ARL15: variants seen among roughly 807,000 people sequenced by gnomAD.
The protein encoded by ARL15 is ADP-ribosylation factor-like protein 15.
In ARL15, 19 loss-of-function variants were observed where a neutral mutation model predicts 25.2. The ratio of observed to expected loss-of-function variants is 0.75; its 90% CI spans 0.53 to 1.10. The LOEUF (loss-of-function observed/expected upper bound fraction) is 1.10. ARL15 is among the 50% of genes least tolerant of loss of function. The pLI is 0.00. For synonymous variants in ARL15, 94 were observed against 86.8 expected (o/e 1.08, Z -0.46); for missense variants, 220 against 246.0 (o/e 0.89, Z 0.71).
intron 4 of ARL15, among the ~76,000 whole-genome samples, chr5:54,096,478 A>G (rs1282492923): frequency 6.6e-6 from 1 of 152,148 alleles, no homozygotes; most frequent in Non-Finnish European, 1.5e-5. Flanking sequence ...CAGTGGTGCC[A>G]TCTTGGCTCA....
At chr5:54,147,107 C>T (rs2112328289) in intron 3 of ARL15, among the ~76,000 whole-genome samples, 1 of 152,218 alleles carries the variant, frequency 6.6e-6, no homozygotes, top group Non-Finnish European at 1.5e-5. Flanking sequence ...TGGCTTTATA[C>T]CAATATCATT....
At chr5:54,116,622 G>A (rs1752908159) in intron 3 of ARL15, among the ~76,000 whole-genome samples, 1 of 152,144 alleles carries the variant, frequency 6.6e-6, no homozygotes, top group East Asian at 1.9e-4. Flanking sequence ...TCTATCCACA[G>A]CCAACTAATG....
intron 4 of ARL15, among the ~76,000 whole-genome samples, chr5:54,103,400 A>G (rs1752498533): frequency 6.6e-6 from 1 of 152,126 alleles, no homozygotes; most frequent in Non-Finnish European, 1.5e-5. Flanking sequence ...TCTTCACTCA[A>G]AACTACTAGA....
chr5:54,267,585 T>G (rs1428932576), intron 1 of ARL15, among the ~76,000 whole-genome samples: 1 of 152,108 alleles, frequency 6.6e-6, no homozygotes, highest in Non-Finnish European at 1.5e-5. Context: ...ATCATTCCCT[T>G]ACATTGATAA....
chr5:54,217,309 C>T (rs963836522), intron 1 of ARL15, among the ~76,000 whole-genome samples: 9 of 151,382 alleles, frequency 5.9e-5, no homozygotes, highest in Admixed American at 4.6e-4. Flanking sequence ...GGAAATATAC[C>T]AATTGCAAAT....
In ARL15 at chr5:53,938,921, C is replaced by T. The variant is rs144886589; in HGVS notation, c.463-52208G>A. Among the ~76,000 whole-genome samples the T allele has an allele frequency of 4.3e-3, 651 of 152,282 alleles. 7 individuals are homozygous for T. The highest frequency in any genetic ancestry group is 0.013 in the African/African-American group (533 of 41,552). ...TCACTTGGCAGTCTGGCCATATTAG[C>T]GTCAGTTTACGACACAAATTTGTTA... On this transcript the variant is annotated intron_variant, in intron 4 of 4. Coordinates refer to ENST00000504924, the MANE Select transcript of ARL15 (RefSeq NM_019087.3).
intron 4 of ARL15, among the ~76,000 whole-genome samples, chr5:54,099,038 G>A (rs374065251): frequency 6.6e-6 from 1 of 152,110 alleles, no homozygotes; most frequent in African/African-American, 2.4e-5. Context: ...TGTCAATCAC[G>A]TTAGGAGCAC....
At chr5:53,903,421 C>A (rs1745133420) in intron 4 of ARL15, among the ~76,000 whole-genome samples, 1 of 152,100 alleles carries the variant, frequency 6.6e-6, no homozygotes, top group Admixed American at 6.5e-5. Context: ...GTGGTTACTA[C>A]CAGCATCTAG....
chr5:54,219,151 G>A (rs1199016548), intron 1 of ARL15, among the ~76,000 whole-genome samples: 1 of 152,064 alleles, frequency 6.6e-6, no homozygotes, highest in Non-Finnish European at 1.5e-5. Flanking sequence ...CAGACATAAA[G>A]AGATCCACTT....
intron 4 of ARL15, among the ~76,000 whole-genome samples, chr5:53,964,278 C>CT (rs199668186): frequency 3.9e-5 from 6 of 152,216 alleles, no homozygotes; most frequent in East Asian, 3.9e-4. Context: ...TTCTATTTTC[C>CT]TTTTGTTTAA....
intron 1 of ARL15, among the ~76,000 whole-genome samples, chr5:54,204,719 A>G (rs1028775701): frequency 6.6e-6 from 1 of 152,204 alleles, no homozygotes; most frequent in Non-Finnish European, 1.5e-5. Context: ...GTTGATGCTT[A>G]AAAGCACACC....
At chr5:54,091,926 G>C (rs925151902) in intron 4 of ARL15, among the ~76,000 whole-genome samples, 1 of 152,154 alleles carries the variant, frequency 6.6e-6, no homozygotes, top group Non-Finnish European at 1.5e-5. Flanking sequence ...TTCTGGGCTT[G>C]CCAGCCCTTG....
intron 4 of ARL15, among the ~76,000 whole-genome samples, chr5:53,903,931 TACTG>T (rs1745152286): frequency 6.6e-6 from 1 of 152,154 alleles, no homozygotes; most frequent in Admixed American, 6.5e-5. Flanking sequence ...TGGCCAGCGA[TACTG>T]ACAGATATCA....
At chr5:54,256,487 ACATT>A (rs1351623573) in intron 1 of ARL15, among the ~76,000 whole-genome samples, 1 of 151,282 alleles carries the variant, frequency 6.6e-6, no homozygotes, top group Non-Finnish European at 1.5e-5. Flanking sequence ...ATTCTACCAG[ACATT>A]CAAGAAAAAA....
chr5:54,024,217 G>A (rs1749706641), intron 4 of ARL15, among the ~76,000 whole-genome samples: 1 of 152,164 alleles, frequency 6.6e-6, no homozygotes, highest in Admixed American at 6.5e-5. Context: ...GTACTATATG[G>A]TTTTATAAAA....
intron 1 of ARL15, among the ~76,000 whole-genome samples, chr5:54,252,624 T>G (rs1367295108): frequency 1.3e-5 from 2 of 152,112 alleles, no homozygotes; most frequent in African/African-American, 4.8e-5. Flanking sequence ...GAGGCAAAAT[T>G]AACATGGAGT....
intron 4 of ARL15, among the ~76,000 whole-genome samples, chr5:54,069,581 A>AAAAAAAAAC (rs1561211284): frequency 7.7e-6 from 1 of 130,578 alleles, no homozygotes; most frequent in African/African-American, 3.1e-5. Flanking sequence ...AAAAAAAAAA[A>AAAAAAAAAC]AAACCACGAA....
At chr5:54,066,343 G>C (rs1257099304) in intron 4 of ARL15, among the ~76,000 whole-genome samples, 1 of 152,146 alleles carries the variant, frequency 6.6e-6, no homozygotes, top group Non-Finnish European at 1.5e-5. Flanking sequence ...GAGGCCATTT[G>C]CCATGTTTTC....
chr5:53,919,620 T>C (rs1255831745), intron 4 of ARL15, among the ~76,000 whole-genome samples: 1 of 151,600 alleles, frequency 6.6e-6, no homozygotes, highest in East Asian at 1.9e-4. Context: ...AATAAACAGC[T>C]CGGATTAAGG....
Sources: gnomAD v4.1 joint callset for allele counts (sites outside exome capture counted in the v4.1 genomes callset) on GRCh38, gnomAD v4.1.1 for gene constraint, MANE v1.5 for transcripts, NCBI Gene and HGNC (gene_info 2026-07-23, HGNC 2026-07-21) for gene names.